The following AGMO variants were observed in gnomAD, a reference collection of about 807,000 sequenced individuals.
AGMO encodes the protein glyceryl-ether monooxygenase.
A neutral mutation model predicts 60.2 loss-of-function variants in AGMO; 75 were observed. The observed-to-expected ratio is 1.25, with a 90% CI of 1.03 to 1.51. The LOEUF (loss-of-function observed/expected upper bound fraction) is 1.51, where lower values mean the gene tolerates loss of function less well. AGMO is among the 40% of genes most tolerant of loss of function. The pLI, the probability that AGMO is intolerant of heterozygous loss-of-function variation, is 0.00. For missense variants in AGMO, 763 were observed against 525.5 expected (o/e 1.45, Z -4.42); for synonymous variants, 261 against 177.1 (o/e 1.47, Z -3.76).
chr7:15,465,278 T>C (rs560269177), intron 3 of AGMO, among the ~76,000 whole-genome samples: 3 of 151,718 alleles, frequency 2.0e-5, no homozygotes, highest in Non-Finnish European at 4.4e-5. Flanking sequence ...GAAACACACT[T>C]TCCTTGAATT....
At chr7:15,315,265 C>G (rs1054124359) in intron 12 of AGMO, among the ~76,000 whole-genome samples, 5 of 130,886 alleles carry the variant, frequency 3.8e-5, no homozygotes, top group Non-Finnish European at 6.4e-5. Flanking sequence ...ATACATACAA[C>G]AAAATTTTTA....
chr7:15,139,280 G>A, the AGMO span, among the ~76,000 whole-genome samples: 1 of 152,106 alleles, frequency 6.6e-6, no homozygotes, highest in East Asian at 1.9e-4. Flanking sequence ...TTTGGTATAT[G>A]TAGTTGTTCA....
At chr7:15,153,184 GT>G in the AGMO span, among the ~76,000 whole-genome samples, 115,143 of 147,078 alleles carry the variant, frequency 0.78, 45,638 homozygotes, top group East Asian at 0.99. Context: ...TGATAGGATT[GT>G]TTTTTTTTTT....
intron 12 of AGMO, among the ~76,000 whole-genome samples, chr7:15,258,661 C>T (rs982144567): frequency 6.6e-6 from 1 of 152,200 alleles, no homozygotes; most frequent in African/African-American, 2.4e-5. Flanking sequence ...AGGACCCTCA[C>T]AGAGTCCCCT....
intron 6 of AGMO, among the ~76,000 whole-genome samples, chr7:15,392,376 T>A (rs1348037651): frequency 2.0e-5 from 3 of 152,024 alleles, no homozygotes; most frequent in African/African-American, 7.2e-5. Context: ...CGGCCCTATT[T>A]CCTTGTATAT....
chr7:15,443,558 C>A (rs1397789913), intron 3 of AGMO, among the ~76,000 whole-genome samples: 1 of 152,092 alleles, frequency 6.6e-6, no homozygotes, highest in Admixed American at 6.6e-5. Context: ...TAACTACTTC[C>A]CTAGATTGAT....
intron 3 of AGMO, among the ~76,000 whole-genome samples, chr7:15,440,683 T>C (rs1427139252): frequency 1.3e-5 from 2 of 152,202 alleles, no homozygotes; most frequent in Non-Finnish European, 2.9e-5. Flanking sequence ...CTCCACTTTA[T>C]AGTCGTCATT....
At chr7:15,472,981 C>T (rs904631257) in intron 3 of AGMO, among the ~76,000 whole-genome samples, 10 of 151,792 alleles carry the variant, frequency 6.6e-5, no homozygotes, top group Non-Finnish European at 1.0e-4. Flanking sequence ...GTATGTTTCA[C>T]CAACATGACC....
At chr7:15,494,426 G>C (rs1218194149) in intron 3 of AGMO, among the ~76,000 whole-genome samples, 1 of 152,156 alleles carries the variant, frequency 6.6e-6, no homozygotes, top group African/African-American at 2.4e-5. Context: ...TTTAATGACT[G>C]AGATTAAGAT....
At chr7:15,366,635 GAA>G (rs1454796398) in intron 10 of AGMO, among the ~76,000 whole-genome samples, 1 of 151,846 alleles carries the variant, frequency 6.6e-6, no homozygotes, top group African/African-American at 2.4e-5. Flanking sequence ...CTCTAATATA[GAA>G]AATATTTAAA....
At chr7:15,512,978 C>A (rs1181538926) in intron 3 of AGMO, among the ~76,000 whole-genome samples, 1 of 152,058 alleles carries the variant, frequency 6.6e-6, no homozygotes, top group Non-Finnish European at 1.5e-5. Flanking sequence ...GAAATTATTT[C>A]TTTTGCAAAT....
chr7:15,448,682 T>G (rs910078095), intron 3 of AGMO, among the ~76,000 whole-genome samples: 2 of 152,068 alleles, frequency 1.3e-5, no homozygotes, highest in African/African-American at 4.8e-5. Flanking sequence ...CTGCCATAAT[T>G]TTAAATTTTG....
At chr7:15,322,961 G>T (rs1387242743) in intron 12 of AGMO, among the ~76,000 whole-genome samples, 1 of 79,574 alleles carries the variant, frequency 1.3e-5, no homozygotes, top group African/African-American at 5.8e-5. Context: ...TATATAACAC[G>T]TGTGTGTATA....
rs1784166336 is a variant in AGMO, at chr7:15,288,605, G to T, written c.1263+76909C>A. 3.3e-5 allele frequency among the ~76,000 whole-genome samples: 5 copies of T among 151,868 alleles called. No individual in the cohort carries two copies. In the South Asian group the frequency reaches 8.3e-4, roughly 25 times the overall value. On this transcript the variant is annotated intron_variant, in intron 12 of 12. Transcript: ENST00000342526. ...AAGAATTCAGACATGAAAGGAGAAAGAATCCTATATGCAGTCTTACAAATC... is the reference window on the plus strand; with the variant it reads ...AAGAATTCAGACATGAAAGGAGAAATAATCCTATATGCAGTCTTACAAATC...
intron 12 of AGMO, among the ~76,000 whole-genome samples, chr7:15,243,645 T>C (rs1480253776): frequency 6.6e-6 from 1 of 152,196 alleles, no homozygotes; most frequent in Non-Finnish European, 1.5e-5. Context: ...TTAAATATTT[T>C]AAGTAGTAAT....
At chr7:15,263,728 A>C (rs375074420) in intron 12 of AGMO, among the ~76,000 whole-genome samples, 1 of 152,284 alleles carries the variant, frequency 6.6e-6, no homozygotes. Flanking sequence ...AACACTACTC[A>C]GCCACGAAAA....
chr7:15,214,860 T>C (rs1175918226), intron 12 of AGMO, among the ~76,000 whole-genome samples: 1 of 152,042 alleles, frequency 6.6e-6, no homozygotes, highest in Admixed American at 6.6e-5. Context: ...CAGAAGAATA[T>C]TTAGTTTGCC....
At chr7:15,137,677 G>A in the AGMO span, among the ~76,000 whole-genome samples, 1 of 152,134 alleles carries the variant, frequency 6.6e-6, no homozygotes. Flanking sequence ...CAGAAGATTA[G>A]TAGGAATGAT....
the AGMO span, among the ~76,000 whole-genome samples, chr7:15,141,181 T>C: frequency 6.6e-6 from 1 of 152,192 alleles, no homozygotes; most frequent in Non-Finnish European, 1.5e-5. Flanking sequence ...TTGGGAGTGC[T>C]TGTAGGACAG....
Sources: gnomAD v4.1 joint callset for allele counts (sites outside exome capture counted in the v4.1 genomes callset) on GRCh38, gnomAD v4.1.1 for gene constraint, MANE v1.5 for transcripts, NCBI Gene and HGNC (gene_info 2026-07-23, HGNC 2026-07-21) for gene names.